CAPN13: variants seen among roughly 807,000 people sequenced by gnomAD.
The protein encoded by CAPN13 is calpain-13.
Under a neutral mutation model 98.4 loss-of-function variants are expected in CAPN13, and 90 were observed. That is an observed-to-expected ratio of 0.92 (90% CI 0.77 to 1.09). The LOEUF (loss-of-function observed/expected upper bound fraction) is 1.09, where lower values mean the gene tolerates loss of function less well. CAPN13 is among the 50% of genes least tolerant of loss of function. CAPN13 has a pLI of 0.00. For missense variants in CAPN13, 887 were observed against 841.3 expected, an observed-to-expected ratio of 1.05 and a Z score of -0.67; for synonymous variants, 330 against 305.5, an observed-to-expected ratio of 1.08 and a Z score of -0.84.
chr2:30,738,084 G>A, intron 17 of CAPN13, 151 bp downstream of exon 17: 1 of 755,956 alleles, frequency 1.3e-6, no homozygotes, highest in Non-Finnish European at 2.3e-6. Flanking sequence ...ATGTTAGTGA[G>A]TTAGTAGAGA....
At chr2:30,771,923 G>C (rs1218853355) in intron 4 of CAPN13, among the ~76,000 whole-genome samples, 2 of 152,224 alleles carry the variant, frequency 1.3e-5, no homozygotes, top group African/African-American at 4.8e-5. Context: ...GTAGTTATGA[G>C]AGTAGAGACT....
chr2:30,781,691 C>A (rs1325022003), intron 2 of CAPN13, among the ~76,000 whole-genome samples: 1 of 152,192 alleles, frequency 6.6e-6, no homozygotes, highest in African/African-American at 2.4e-5. Context: ...GATTTAACTA[C>A]ATCACTGGCT....
chr2:30,798,849 T>C (rs1386524603), intron 1 of CAPN13, among the ~76,000 whole-genome samples: 1 of 152,056 alleles, frequency 6.6e-6, no homozygotes, highest in East Asian at 1.9e-4. Context: ...CTAACAGAGC[T>C]TGAAGGCTGG....
chr2:30,728,005 C>G (rs1406372642), intron 22 of CAPN13, among the ~76,000 whole-genome samples: 2 of 151,870 alleles, frequency 1.3e-5, no homozygotes, highest in African/African-American at 2.4e-5. Flanking sequence ...CACGCTACAA[C>G]ATGGATGAAT....
At chr2:30,770,052 C>A (rs1034931731) in intron 5 of CAPN13, among the ~76,000 whole-genome samples, 1 of 152,208 alleles carries the variant, frequency 6.6e-6, no homozygotes, top group Admixed American at 6.5e-5. Context: ...AAATATATTT[C>A]TTTGGGCCCT....
chr2:30,726,180 C>T (rs532929505), intron 22 of CAPN13, among the ~76,000 whole-genome samples: 1 of 152,294 alleles, frequency 6.6e-6, no homozygotes, highest in Admixed American at 6.5e-5. Context: ...AGAATACTGA[C>T]ATCAAGCAAG....
chr2:30,732,361 G>T lies in CAPN13; in HGVS notation c.1927+77C>A, dbSNP rs1671145715. ...GAGGCCTCACGCAGACCTGGGGTGG[G>T]GTAGGGGGTGTCCGGTCCTCTCCTG... On this transcript the variant is annotated intron_variant, in intron 20 of 22. Transcript: ENST00000295055. The T allele has an allele frequency of 3.8e-6, 6 of 1,579,680 alleles. No individual in the cohort carries two copies. In the South Asian group the frequency reaches 5.6e-5, roughly 15 times the overall value.
chr2:30,793,358 T>C (rs1220535121), intron 1 of CAPN13, among the ~76,000 whole-genome samples: 1 of 151,328 alleles, frequency 6.6e-6, no homozygotes, highest in African/African-American at 2.4e-5. Flanking sequence ...AAATACAAAA[T>C]ACTTGGGAAA....
rs545412553 is a variant in CAPN13, at chr2:30,732,300, G to A, written c.1927+138C>T. The A allele has an allele frequency of 3.2e-5, 32 of 992,022 alleles. No individual in the cohort carries two copies. The South Asian group carries it at 4.7e-4, about 15-fold the overall frequency. The allele number at this position is 992,022 out of a possible 1,614,324, so 61.5% of individuals were successfully genotyped here. ...GGTCACACCATCTACAGCCTCGGTT[G>A]GCACCTCACACAGGCTGCTGGCCCA... On this transcript the variant is annotated intron_variant, in intron 20 of 22. Transcript: ENST00000295055.
In CAPN13 at chr2:30,773,371, C is replaced by T. The variant is rs183465886; in HGVS notation, c.387+2559G>A. On this transcript the variant is annotated intron_variant, in intron 4 of 22. Transcript: ENST00000295055. ...GAGGAATTATTCAAGGAAATTCTAT[C>T]TAATAAAGGTTTAATTAGAACAAAA... Among the ~76,000 whole-genome samples, 3 of 152,152 alleles carry T rather than the reference C, an allele frequency of 2.0e-5. No individual in the cohort carries two copies. In the East Asian group the frequency reaches 5.8e-4, roughly 29 times the overall value.
chr2:30,800,149 A>AAAGAAAGAAAGAAAGAAAGAAAGAAAGT (rs1558351671), intron 1 of CAPN13, among the ~76,000 whole-genome samples: 62 of 148,808 alleles, frequency 4.2e-4, no homozygotes, highest in African/African-American at 1.5e-3. Context: ...AGAAAGAAAG[A>AAAGAAAGAAAGAAAGAAAGAAAGAAAGT]AAGAAAGAAA....
chr2:30,782,071 G>A (rs1406232241), intron 2 of CAPN13, among the ~76,000 whole-genome samples: 1 of 152,122 alleles, frequency 6.6e-6, no homozygotes, highest in African/African-American at 2.4e-5. Flanking sequence ...GTATGTCAGA[G>A]CTCTTGTAAT....
At position 30,734,429 on chromosome 2, in the gene CAPN13, C is replaced by T; in HGVS notation, c.1798+20G>A. 6.2e-7 allele frequency: 1 copy of T among 1,606,064 alleles called. No homozygotes were observed. Among genetic ancestry groups the T allele is most frequent in the Non-Finnish European group, 8.5e-7 (1 of 1,173,114 alleles). On this transcript the variant is annotated intron_variant, in intron 19 of 22. Transcript: ENST00000295055. ...CCTCCCCGGACCTTGGGCACCACAGCTCCAAAGTCCCCATTGTACCTGTAT... is the reference window on the plus strand; with the variant it reads ...CCTCCCCGGACCTTGGGCACCACAGTTCCAAAGTCCCCATTGTACCTGTAT...
rs543817936 is a variant in CAPN13, at chr2:30,731,930, T to C, written c.1927+508A>G. 7.2e-4 allele frequency among the ~76,000 whole-genome samples: 110 copies of C among 152,282 alleles called. 1 individual carries two copies. The highest frequency in any genetic ancestry group is 2.6e-3 in the African/African-American group (108 of 41,554). ...GGGTCTGGCCTCTCTCCTGCAATCA[T>C]GGTGGCCCCACTGTGGCCCGACTGT... On this transcript the variant is annotated intron_variant, in intron 20 of 22. Transcript: ENST00000295055.
Position 30,760,907 on chromosome 2 carries a change from G to C in CAPN13, c.774+2175C>G, listed in dbSNP as rs535888248. Among the ~76,000 whole-genome samples, 26 of 152,228 alleles carry C rather than the reference G, an allele frequency of 1.7e-4. 1 individual carries two copies. Among genetic ancestry groups the C allele is most frequent in the Non-Finnish European group, 3.4e-4 (23 of 68,040 alleles). On this transcript the variant is annotated intron_variant, in intron 7 of 22. Coordinates refer to ENST00000295055, the MANE Select transcript of CAPN13 (RefSeq NM_144575.3). Reference sequence around the variant, plus strand: ...TGACCCTGCTCAGTGCTCAGAAAAGGTGCTACTGGGCAGGAGGTGGCCCGA... The same window carrying C: ...TGACCCTGCTCAGTGCTCAGAAAAGCTGCTACTGGGCAGGAGGTGGCCCGA...
chr2:30,736,592 G>A, intron 17 of CAPN13, 21 bp from the exon 18 acceptor site: 2 of 1,613,324 alleles, frequency 1.2e-6, no homozygotes, highest in Non-Finnish European at 1.7e-6. Flanking sequence ...AGTTAAGAGT[G>A]AACCAGCCAG....
chr2:30,773,455 C>T (rs1236096623), intron 4 of CAPN13, among the ~76,000 whole-genome samples: 1 of 152,036 alleles, frequency 6.6e-6, no homozygotes, highest in African/African-American at 2.4e-5. Context: ...TTTAAATATG[C>T]TTTTTATAAG....
At chr2:30,797,262 T>C (rs922920540) in intron 1 of CAPN13, among the ~76,000 whole-genome samples, 1 of 152,104 alleles carries the variant, frequency 6.6e-6, no homozygotes, top group African/African-American at 2.4e-5. Flanking sequence ...CCCACAACTG[T>C]ACTCCCAACC....
chr2:30,787,974 A>G (rs1558341033), intron 1 of CAPN13, among the ~76,000 whole-genome samples: 1 of 152,190 alleles, frequency 6.6e-6, no homozygotes, highest in Non-Finnish European at 1.5e-5. Flanking sequence ...GAAGGAAGCC[A>G]GGAGCTCCTG....
Sources: gnomAD v4.1 joint callset for allele counts (sites outside exome capture counted in the v4.1 genomes callset) on GRCh38, gnomAD v4.1.1 for gene constraint, MANE v1.5 for transcripts, NCBI Gene and HGNC (gene_info 2026-07-23, HGNC 2026-07-21) for gene names.